CNTN1: variants seen among roughly 807,000 people sequenced by gnomAD.
CNTN1 encodes the protein contactin 1, also known as contactin-1.
Under a neutral mutation model 126.4 loss-of-function variants are expected in CNTN1, and 38 were observed. That is an observed-to-expected ratio of 0.30 (90% CI 0.23 to 0.39). The LOEUF is 0.39. CNTN1 is among the 10% of genes least tolerant of loss of function. CNTN1 has a pLI of 1.00. For synonymous variants in CNTN1, 413 were observed against 422.6 expected (o/e 0.98, Z 0.28); for missense variants, 1,009 against 1,248.4 (o/e 0.81, Z 2.89).
chr12:40,891,116 A>G (rs1269378345), intron 1 of CNTN1, among the ~76,000 whole-genome samples: 2 of 152,150 alleles, frequency 1.3e-5, no homozygotes, highest in African/African-American at 4.8e-5. Context: ...CTGATGATAT[A>G]TGATGTTGAG....
intron 1 of CNTN1, among the ~76,000 whole-genome samples, chr12:40,898,593 G>T (rs920709516): frequency 1.3e-5 from 2 of 151,982 alleles, no homozygotes; most frequent in African/African-American, 4.8e-5. Flanking sequence ...AATAATTTTG[G>T]TATGAATCAC....
intron 1 of CNTN1, among the ~76,000 whole-genome samples, chr12:40,838,906 T>C (rs755626178): frequency 2.6e-5 from 4 of 152,154 alleles, no homozygotes; most frequent in Non-Finnish European, 4.4e-5. Context: ...TGTAATTCTC[T>C]AGTAATAGAT....
At chr12:40,946,815 G>A (rs1290106372) in intron 14 of CNTN1, among the ~76,000 whole-genome samples, 1 of 151,954 alleles carries the variant, frequency 6.6e-6, no homozygotes, top group Non-Finnish European at 1.5e-5. Flanking sequence ...TAACCACTAA[G>A]GGGCAACCTT....
At chr12:40,692,664 C>T (rs1941328997) in intron 1 of CNTN1, 72 bp downstream of exon 1, 1 of 152,646 alleles carries the variant, frequency 6.6e-6, no homozygotes, top group Non-Finnish European at 1.5e-5. Context: ...TGCTTCCCTT[C>T]CCCCAGCCCC....
At chr12:40,942,617 G>T (rs1946298745) in intron 12 of CNTN1, among the ~76,000 whole-genome samples, 1 of 152,090 alleles carries the variant, frequency 6.6e-6, no homozygotes, top group Admixed American at 6.6e-5. Context: ...GTCTGGGACA[G>T]AGAATAAATT....
At chr12:41,013,403 G>A (rs1240423362) in intron 17 of CNTN1, among the ~76,000 whole-genome samples, 1 of 152,036 alleles carries the variant, frequency 6.6e-6, no homozygotes, top group Non-Finnish European at 1.5e-5. Flanking sequence ...ATGATTTGGG[G>A]CTGCTTTTCA....
At chr12:40,955,985 G>C (rs977180795) in intron 14 of CNTN1, among the ~76,000 whole-genome samples, 1 of 152,080 alleles carries the variant, frequency 6.6e-6, no homozygotes, top group South Asian at 2.1e-4. Context: ...GTTAGGTGCA[G>C]GGGTAATCTG....
chr12:40,906,459 T>A (rs79671674), intron 1 of CNTN1, among the ~76,000 whole-genome samples: 3,458 of 152,204 alleles, frequency 0.023, 63 homozygotes, highest in Non-Finnish European at 0.033. Context: ...TTGTCCAGCC[T>A]CTGCCAAATG....
At chr12:41,050,161 A>G (rs1949639550) in intron 23 of CNTN1, among the ~76,000 whole-genome samples, 1 of 152,192 alleles carries the variant, frequency 6.6e-6, no homozygotes, top group Non-Finnish European at 1.5e-5. Context: ...CGGCCTCCCA[A>G]AGTGCTGGGA....
chr12:40,982,908 C>T (rs1947856614), intron 16 of CNTN1, among the ~76,000 whole-genome samples: 1 of 126,928 alleles, frequency 7.9e-6, no homozygotes, highest in Admixed American at 1.1e-4. Context: ...CACTTGGACA[C>T]AGGGTGGGGA....
intron 17 of CNTN1, among the ~76,000 whole-genome samples, chr12:41,002,496 G>A (rs1250406836): frequency 2.0e-5 from 3 of 151,834 alleles, no homozygotes; most frequent in African/African-American, 7.3e-5. Flanking sequence ...TGTATCTTGA[G>A]ACTTTGCTGA....
chr12:41,003,403 G>T (rs1420869338), intron 17 of CNTN1, among the ~76,000 whole-genome samples: 3 of 152,072 alleles, frequency 2.0e-5, no homozygotes, highest in Admixed American at 6.5e-5. Flanking sequence ...TGGCCTGAAG[G>T]TTTCTTTTTT....
chr12:41,013,319 A>T (rs972437083), intron 17 of CNTN1, among the ~76,000 whole-genome samples: 68 of 152,212 alleles, frequency 4.5e-4, no homozygotes, highest in African/African-American at 1.6e-3. Context: ...TCCTGCCGGC[A>T]TTCACCCGTT....
intron 1 of CNTN1, among the ~76,000 whole-genome samples, chr12:40,907,386 A>T (rs1236445866): frequency 5.9e-5 from 9 of 152,324 alleles, no homozygotes; most frequent in Admixed American, 1.3e-4. Flanking sequence ...GAACTTCTTA[A>T]GAGCAAGCAA....
rs187012339 is a variant in CNTN1, at chr12:40,971,284, C to T, written c.1805-9625C>T. On this transcript the variant is annotated intron_variant, in intron 15 of 23. Transcript: ENST00000551295. The stretch of plus-strand genomic sequence containing the variant: ...CATCGGTCTTCTCCCTTTGGCCCCC[C>T]GTCCTCAGTGTGTAGGGGAAGATAC... 3.2e-4 allele frequency: 200 copies of T among 626,696 alleles called. 1 individual carries two copies. The African/African-American group carries it at 3.5e-3, about 11-fold the overall frequency. 38.8% of individuals were successfully genotyped at this position (626,696 alleles called of 1,614,324 possible). A position where few individuals can be genotyped will look rare whatever the true frequency, so the allele number is the denominator to read the frequency against.
intron 1 of CNTN1, among the ~76,000 whole-genome samples, chr12:40,802,600 A>T (rs938070126): frequency 1.3e-5 from 2 of 151,938 alleles, no homozygotes; most frequent in Non-Finnish European, 2.9e-5. Flanking sequence ...AAACAAAAAT[A>T]AATCAGAAGG....
intron 1 of CNTN1, among the ~76,000 whole-genome samples, chr12:40,693,240 A>C (rs1399800567): frequency 6.6e-6 from 1 of 152,208 alleles, no homozygotes; most frequent in African/African-American, 2.4e-5. Flanking sequence ...GATCTGCGGC[A>C]GGTGGGAGGG....
chr12:40,902,843 G>C (rs1944657048), intron 1 of CNTN1, among the ~76,000 whole-genome samples: 1 of 152,028 alleles, frequency 6.6e-6, no homozygotes, highest in Non-Finnish European at 1.5e-5. Context: ...ACAAGAGCTA[G>C]ATGGAGGTCT....
chr12:41,054,628 T>A (rs776896), intron 23 of CNTN1, among the ~76,000 whole-genome samples: 7,934 of 152,104 alleles, frequency 0.052, 496 homozygotes, highest in Admixed American at 0.15. Flanking sequence ...CAGTTACTAA[T>A]ACATTCTGTA....
Sources: gnomAD v4.1 joint callset for allele counts (sites outside exome capture counted in the v4.1 genomes callset) on GRCh38, gnomAD v4.1.1 for gene constraint, MANE v1.5 for transcripts, NCBI Gene and HGNC (gene_info 2026-07-23, HGNC 2026-07-21) for gene names.